The following PCDH15 variants were observed in gnomAD, a reference collection of about 807,000 sequenced individuals.
The protein encoded by PCDH15 is protocadherin related 15, also known as protocadherin-15.
A neutral mutation model predicts 178.5 loss-of-function variants in PCDH15; 129 were observed. The ratio of observed to expected loss-of-function variants is 0.72; its 90% CI spans 0.63 to 0.84. The LOEUF (loss-of-function observed/expected upper bound fraction) is 0.84, where lower values mean the gene tolerates loss of function less well. PCDH15 is among the 40% of genes least tolerant of loss of function. PCDH15 has a pLI of 0.00. For synonymous variants in PCDH15, 800 were observed against 732.0 expected, an observed-to-expected ratio of 1.09 and a Z score of -1.50; for missense variants, 2,230 against 2,099.9, an observed-to-expected ratio of 1.06 and a Z score of -1.21.
chr10:54,672,738 T>TTA (rs1357819819), intron 1 of PCDH15, among the ~76,000 whole-genome samples: 2 of 113,332 alleles, frequency 1.8e-5, no homozygotes, highest in African/African-American at 6.5e-5. Flanking sequence ...TGAGATTTTA[T>TTA]TTTATATATG....
At chr10:55,376,208 A>T (rs895568382) in intron 2 of PCDH15, among the ~76,000 whole-genome samples, 13 of 152,072 alleles carry the variant, frequency 8.5e-5, no homozygotes, top group South Asian at 2.1e-4. Context: ...AGGCAACCAA[A>T]TACTATGTAG....
chr10:54,249,455 A>G (rs2056287031), intron 8 of PCDH15, among the ~76,000 whole-genome samples: 1 of 152,144 alleles, frequency 6.6e-6, no homozygotes, highest in Non-Finnish European at 1.5e-5. Flanking sequence ...TCACTAGCAT[A>G]ATTTACTTGA....
intron 1 of PCDH15, among the ~76,000 whole-genome samples, chr10:55,166,886 T>A (rs1437840566): frequency 6.6e-6 from 1 of 152,152 alleles, no homozygotes; most frequent in Non-Finnish European, 1.5e-5. Flanking sequence ...TTAGAATGCA[T>A]ATCTATGCCT....
At chr10:55,367,904 T>G (rs1446691918) in intron 2 of PCDH15, among the ~76,000 whole-genome samples, 1 of 152,154 alleles carries the variant, frequency 6.6e-6, no homozygotes, top group Non-Finnish European at 1.5e-5. Flanking sequence ...TTAACACTGT[T>G]TATCTACTTA....
chr10:55,189,277 A>G (rs1839880151), intron 1 of PCDH15, among the ~76,000 whole-genome samples: 1 of 151,948 alleles, frequency 6.6e-6, no homozygotes, highest in African/African-American at 2.4e-5. Flanking sequence ...AATCTAAAAA[A>G]ATTGACAATA....
At chr10:55,121,545 C>T (rs1300093367) in intron 2 of PCDH15, among the ~76,000 whole-genome samples, 1 of 151,990 alleles carries the variant, frequency 6.6e-6, no homozygotes, top group East Asian at 1.9e-4. Flanking sequence ...CATGGGAAGA[C>T]CATCATGGTT....
chr10:54,587,533 T>TAA (rs34508767), intron 2 of PCDH15, among the ~76,000 whole-genome samples: 87 of 140,538 alleles, frequency 6.2e-4, no homozygotes, highest in Middle Eastern at 3.7e-3. Flanking sequence ...AAACACACAA[T>TAA]AAAAAAAAAA....
intron 3 of PCDH15, among the ~76,000 whole-genome samples, chr10:54,831,711 T>C (rs74136300): frequency 1.5e-3 from 221 of 152,272 alleles, no homozygotes; most frequent in African/African-American, 5.1e-3. Flanking sequence ...TTTCCAGGCA[T>C]ATTTTTACAT....
chr10:54,567,647 C>A (rs1047248411), intron 2 of PCDH15, among the ~76,000 whole-genome samples: 5 of 152,078 alleles, frequency 3.3e-5, no homozygotes, highest in African/African-American at 7.2e-5. Context: ...GATCTCTATG[C>A]TCTATGTTCA....
chr10:55,491,939 G>C (rs1050191723), intron 2 of PCDH15, among the ~76,000 whole-genome samples: 5 of 151,592 alleles, frequency 3.3e-5, no homozygotes, highest in Admixed American at 3.3e-4. Context: ...AATGCATGGA[G>C]TGTACTTGAG....
intron 2 of PCDH15, among the ~76,000 whole-genome samples, chr10:55,070,734 G>A (rs904466084): frequency 1.3e-5 from 2 of 152,070 alleles, no homozygotes; most frequent in Non-Finnish European, 2.9e-5. Context: ...TTGTTCTTTT[G>A]GCTTAGGATT....
intron 2 of PCDH15, among the ~76,000 whole-genome samples, chr10:54,565,299 T>C (rs2088861899): frequency 6.6e-6 from 1 of 152,212 alleles, no homozygotes. Context: ...CTGTGATCCC[T>C]TCTCCTGACT....
intron 15 of PCDH15, among the ~76,000 whole-genome samples, chr10:54,098,211 TG>T: frequency 1.3e-5 from 2 of 151,612 alleles, no homozygotes; most frequent in Non-Finnish European, 2.9e-5. Flanking sequence ...TGTGTGTGTG[TG>T]TGTGTGTGTG....
chr10:55,011,644 T>G (rs1840049850), intron 2 of PCDH15, among the ~76,000 whole-genome samples: 1 of 152,176 alleles, frequency 6.6e-6, no homozygotes, highest in South Asian at 2.1e-4. Flanking sequence ...TTCTTTCAAT[T>G]TTTCAATTTA....
At chr10:54,336,426 TG>T (rs1941145762) in intron 6 of PCDH15, among the ~76,000 whole-genome samples, 1 of 152,144 alleles carries the variant, frequency 6.6e-6, no homozygotes, top group African/African-American at 2.4e-5. Context: ...AGCGGTTTCA[TG>T]GGCCAGGTCC....
At chr10:55,538,412 T>C (rs201363506) in intron 2 of PCDH15, among the ~76,000 whole-genome samples, 149 of 107,368 alleles carry the variant, frequency 1.4e-3, no homozygotes, top group African/African-American at 3.5e-3. Flanking sequence ...CTTCCTTCCT[T>C]CCTCCCTCCC....
intron 18 of PCDH15, among the ~76,000 whole-genome samples, chr10:54,026,489 G>C (rs139050622): frequency 1.4e-4 from 21 of 152,184 alleles, no homozygotes; most frequent in African/African-American, 4.8e-4. Context: ...AGTTTAAATT[G>C]GTATAAATTA....
At chr10:54,989,593 T>G (rs181425496) in intron 2 of PCDH15, among the ~76,000 whole-genome samples, 1 of 152,206 alleles carries the variant, frequency 6.6e-6, no homozygotes, top group Admixed American at 6.5e-5. Context: ...TGGACTTGCA[T>G]GGGGCCTGTA....
At chr10:53,971,259 A>C (rs375615673) in intron 21 of PCDH15, among the ~76,000 whole-genome samples, 12 of 152,212 alleles carry the variant, frequency 7.9e-5, no homozygotes, top group African/African-American at 2.4e-4. Context: ...AAAAACTCTC[A>C]ATAAACTAGG....
Sources: gnomAD v4.1 joint callset for allele counts (sites outside exome capture counted in the v4.1 genomes callset) on GRCh38, gnomAD v4.1.1 for gene constraint, MANE v1.5 for transcripts, NCBI Gene and HGNC (gene_info 2026-07-23, HGNC 2026-07-21) for gene names.